The following SPMIP2 variants were observed in gnomAD, a reference collection of about 807,000 sequenced individuals.
SPMIP2 encodes protein SPMIP2.
At chr4:159,029,473 G>A in the SPMIP2 span, among the ~76,000 whole-genome samples, 1 of 152,116 alleles carries the variant, frequency 6.6e-6, no homozygotes, top group East Asian at 1.9e-4. Flanking sequence ...GGTTTTAAAA[G>A]TTGGATCCAC....
the SPMIP2 span, among the ~76,000 whole-genome samples, chr4:159,063,919 C>T: frequency 3.9e-5 from 6 of 152,100 alleles, no homozygotes; most frequent in African/African-American, 7.2e-5. Context: ...GCCAGAAAAA[C>T]GTATGAGGAA....
At chr4:158,943,858 C>CTTTTTTTTTTTTT in the SPMIP2 span, among the ~76,000 whole-genome samples, 1,607 of 101,704 alleles carry the variant, frequency 0.016, 28 homozygotes, top group East Asian at 0.028. Flanking sequence ...TTGACATTTT[C>CTTTTTTTTTTTTT]TTTTTTTTTT....
At chr4:159,019,657 G>C in the SPMIP2 span, among the ~76,000 whole-genome samples, 1 of 152,164 alleles carries the variant, frequency 6.6e-6, no homozygotes, top group Non-Finnish European at 1.5e-5. Context: ...AGCACTGAAA[G>C]TTCAGTGTCC....
the SPMIP2 span, among the ~76,000 whole-genome samples, chr4:158,979,032 C>CTG: frequency 4.6e-5 from 7 of 152,198 alleles, no homozygotes; most frequent in African/African-American, 1.7e-4. Flanking sequence ...AAGCCCCTGA[C>CTG]TGGGGGTGCT....
At chr4:158,915,914 G>A in the SPMIP2 span, among the ~76,000 whole-genome samples, 1 of 152,184 alleles carries the variant, frequency 6.6e-6, no homozygotes. Context: ...TGACTCTGGG[G>A]AACAGACAGA....
At chr4:158,935,782 C>T in the SPMIP2 span, among the ~76,000 whole-genome samples, 1 of 152,208 alleles carries the variant, frequency 6.6e-6, no homozygotes, top group Non-Finnish European at 1.5e-5. Flanking sequence ...GAGGAAAGGA[C>T]TGGCTGTGCC....
the SPMIP2 span, among the ~76,000 whole-genome samples, chr4:158,949,128 T>C: frequency 1.3e-5 from 2 of 152,238 alleles, no homozygotes; most frequent in African/African-American, 4.8e-5. Context: ...ATACTGAATC[T>C]TTATCCTGAT....
the SPMIP2 span, among the ~76,000 whole-genome samples, chr4:159,033,091 C>T: frequency 1.1e-4 from 17 of 151,924 alleles, no homozygotes; most frequent in African/African-American, 3.4e-4. Flanking sequence ...GTGACACATC[C>T]ACACAGTGAA....
the SPMIP2 span, among the ~76,000 whole-genome samples, chr4:158,982,293 C>A: frequency 6.6e-6 from 1 of 152,124 alleles, no homozygotes; most frequent in Non-Finnish European, 1.5e-5. Context: ...TAACACCCCA[C>A]CATTAATATT....
chr4:158,935,130 T>G, the SPMIP2 span, among the ~76,000 whole-genome samples: 1 of 152,190 alleles, frequency 6.6e-6, no homozygotes, highest in Non-Finnish European at 1.5e-5. Context: ...CACCAAACTT[T>G]TAAAACAATA....
At chr4:158,912,638 A>C in the SPMIP2 span, among the ~76,000 whole-genome samples, 1 of 152,212 alleles carries the variant, frequency 6.6e-6, no homozygotes, top group African/African-American at 2.4e-5. Flanking sequence ...GCTTTCAAAT[A>C]TGTAAGAACA....
chr4:158,943,075 T>A, the SPMIP2 span, among the ~76,000 whole-genome samples: 4 of 152,368 alleles, frequency 2.6e-5, no homozygotes, highest in South Asian at 8.3e-4. Flanking sequence ...TGAGTCAACA[T>A]TTAAATATAA....
the SPMIP2 span, chr4:158,960,242 A>G: frequency 8.6e-7 from 1 of 1,162,728 alleles, no homozygotes. Context: ...CCAATTTAGG[A>G]AAGAAACACA....
chr4:158,979,805 T>G, the SPMIP2 span, among the ~76,000 whole-genome samples: 5 of 148,804 alleles, frequency 3.4e-5, no homozygotes, highest in East Asian at 2.0e-4. Flanking sequence ...TTTTTTTTTT[T>G]TTTTTTTTTC....
At chr4:158,964,390 T>A in the SPMIP2 span, among the ~76,000 whole-genome samples, 1 of 152,134 alleles carries the variant, frequency 6.6e-6, no homozygotes, top group African/African-American at 2.4e-5. Flanking sequence ...AACACCTTCA[T>A]CTTTGGGAGA....
chr4:158,978,134 G>C, the SPMIP2 span, among the ~76,000 whole-genome samples: 12 of 152,258 alleles, frequency 7.9e-5, no homozygotes, highest in Admixed American at 2.0e-4. Context: ...GTTTTCATTG[G>C]TTTCAAAGAA....
the SPMIP2 span, among the ~76,000 whole-genome samples, chr4:158,971,842 AC>A: frequency 2.0e-5 from 3 of 152,352 alleles, no homozygotes; most frequent in Admixed American, 6.5e-5. Context: ...AGGCAAATGA[AC>A]TTAACCAAGG....
At chr4:158,925,630 T>C in the SPMIP2 span, among the ~76,000 whole-genome samples, 3 of 152,100 alleles carry the variant, frequency 2.0e-5, no homozygotes, top group Non-Finnish European at 2.9e-5. Flanking sequence ...CACAAAAGGG[T>C]TCACAGTCTT....
At chr4:158,895,808 C>T in the SPMIP2 span, 1 of 1,613,326 alleles carries the variant, frequency 6.2e-7, no homozygotes, top group Non-Finnish European at 8.5e-7. Flanking sequence ...AAAATGCTAT[C>T]TGAATATCTC....
Sources: gnomAD v4.1 joint callset for allele counts (sites outside exome capture counted in the v4.1 genomes callset) on GRCh38, gnomAD v4.1.1 for gene constraint, MANE v1.5 for transcripts, NCBI Gene and HGNC (gene_info 2026-07-23, HGNC 2026-07-21) for gene names.